ANO4: variants seen among roughly 807,000 people sequenced by gnomAD.
The protein encoded by ANO4 is anoctamin-4.
ANO4 carries 69 observed loss-of-function variants against 141.9 expected under a neutral mutation model. The ratio of observed to expected loss-of-function variants is 0.49; its 90% CI spans 0.40 to 0.59. The LOEUF is 0.59. Among genes scored for constraint, ANO4 ranks in the 20% least tolerant of loss-of-function variants. The pLI is 0.00. For synonymous variants in ANO4, 350 were observed against 394.3 expected, an observed-to-expected ratio of 0.89 and a Z score of 1.33; for missense variants, 894 against 1,162.2, an observed-to-expected ratio of 0.77 and a Z score of 3.36.
intron 1 of ANO4, among the ~76,000 whole-genome samples, chr12:100,852,910 G>T (rs2037956795): frequency 6.6e-6 from 1 of 152,166 alleles, no homozygotes; most frequent in African/African-American, 2.4e-5. Flanking sequence ...AACACTCAAA[G>T]TTAGCAAGAA....
chr12:100,852,166 A>T (rs1593520267), intron 1 of ANO4, among the ~76,000 whole-genome samples: 1 of 152,318 alleles, frequency 6.6e-6, no homozygotes. Context: ...AGGCACAGGG[A>T]TCCTATGTAT....
At chr12:100,848,483 G>A (rs2037697832) in intron 1 of ANO4, among the ~76,000 whole-genome samples, 1 of 152,164 alleles carries the variant, frequency 6.6e-6, no homozygotes, top group East Asian at 1.9e-4. Flanking sequence ...TAAGTTTAGG[G>A]TGGGACTGAA....
At position 100,740,104 on chromosome 12, in the gene ANO4, A is replaced by C. The variant is rs772163564; in HGVS notation, c.357A>C (p.Thr119=). Residue 119 remains threonine (T), a splice_region_variant and synonymous_variant, in exon 3 of 30, where the codon ACA becomes ACC. Coordinates refer to the ANO4 transcript ENST00000644049. ...AGGAAACCCTGAGTCAAGACACAAC[A>C]GGTAAGTGTTGGCTTCCTGTTGGAG... The C allele has an allele frequency of 1.4e-5, 10 of 702,082 alleles. No individual in the cohort carries two copies. The South Asian group carries it at 1.5e-4, about 10-fold the overall frequency. The allele number at this position is 702,082 out of a possible 1,614,324, so 43.5% of individuals were successfully genotyped here. A position where few individuals can be genotyped will look rare whatever the true frequency, so the allele number is the denominator to read the frequency against.
chr12:101,068,281 G>C (rs2048674767), intron 14 of ANO4: 1 of 1,440,532 alleles, frequency 6.9e-7, no homozygotes, highest in African/African-American at 1.4e-5. Flanking sequence ...TCCTGCCTCT[G>C]CTGCAGATTC....
chr12:101,021,268 A>G lies in ANO4; in HGVS notation c.841+1128A>G, dbSNP rs936071013. ...CAGCACTACTCTGTGAAGCCCCCCA[A>G]GGGGATACTGAAAATCTGCCTTTGA... is the stretch of plus-strand genomic sequence containing the variant. On this transcript the variant is annotated intron_variant, in intron 9 of 27. Coordinates refer to ENST00000392977, the MANE Select transcript of ANO4 (RefSeq NM_001286615.2). Among the ~76,000 whole-genome samples, 22 of 152,286 alleles carry G rather than the reference A, an allele frequency of 1.4e-4. No individual in the cohort carries two copies. In the South Asian group the frequency reaches 4.2e-3, roughly 29 times the overall value.
intron 22 of ANO4, among the ~76,000 whole-genome samples, chr12:101,104,766 A>G (rs1485742369): frequency 6.7e-6 from 1 of 150,304 alleles, no homozygotes; most frequent in Non-Finnish European, 1.5e-5. Flanking sequence ...AATGGTCTAC[A>G]TTTTTATGTC....
intron 7 of ANO4, among the ~76,000 whole-genome samples, chr12:100,979,271 A>G (rs1235184588): frequency 6.6e-6 from 1 of 152,160 alleles, no homozygotes; most frequent in African/African-American, 2.4e-5. Flanking sequence ...AGCAGTCTCC[A>G]TGGAGTGATG....
At chr12:100,804,403 A>G (rs904290905) in intron 1 of ANO4, among the ~76,000 whole-genome samples, 2 of 152,240 alleles carry the variant, frequency 1.3e-5, no homozygotes, top group African/African-American at 4.8e-5. Context: ...ACAGTGCTGC[A>G]GTGAACAAAT....
chr12:100,757,982 A>T (rs975011635), intron 3 of ANO4, among the ~76,000 whole-genome samples: 42 of 152,186 alleles, frequency 2.8e-4, no homozygotes, highest in Non-Finnish European at 5.3e-4. Flanking sequence ...AAAGAAATAA[A>T]ATTCAACACT....
At chr12:100,950,273 C>T (rs2042916225) in intron 5 of ANO4, among the ~76,000 whole-genome samples, 1 of 152,166 alleles carries the variant, frequency 6.6e-6, no homozygotes, top group African/African-American at 2.4e-5. Context: ...ACCCAATAAT[C>T]TCCACTTTAC....
intron 5 of ANO4, among the ~76,000 whole-genome samples, chr12:100,968,660 A>AT: frequency 6.6e-6 from 1 of 152,268 alleles, no homozygotes; most frequent in East Asian, 1.9e-4. Flanking sequence ...AAAAAGAACT[A>AT]TTTTTAGGAA....
chr12:100,872,897 G>C (rs2039102616), intron 1 of ANO4, among the ~76,000 whole-genome samples: 1 of 152,124 alleles, frequency 6.6e-6, no homozygotes, highest in African/African-American at 2.4e-5. Context: ...TTGGAGGAGG[G>C]GCCTAGTGGG....
chr12:101,110,992 G>C (rs1373694469), intron 23 of ANO4, among the ~76,000 whole-genome samples: 2 of 152,232 alleles, frequency 1.3e-5, no homozygotes, highest in East Asian at 3.8e-4. Flanking sequence ...AGTTGAATCA[G>C]ATGCAGCTCG....
chr12:100,999,456 A>G (rs580996), intron 8 of ANO4, among the ~76,000 whole-genome samples: 120,157 of 152,136 alleles, frequency 0.79, 48,067 homozygotes, highest in African/African-American at 0.92. Context: ...GTACCTATCT[A>G]AATAATCCAG....
intron 14 of ANO4, among the ~76,000 whole-genome samples, chr12:101,052,678 G>A (rs560383007): frequency 5.6e-4 from 86 of 152,256 alleles, no homozygotes; most frequent in African/African-American, 2.0e-3. Flanking sequence ...GCAAGAATCA[G>A]CCTTTTGTTT....
intron 1 of ANO4, among the ~76,000 whole-genome samples, chr12:100,813,867 G>A (rs1417579287): frequency 2.6e-5 from 4 of 152,068 alleles, no homozygotes; most frequent in African/African-American, 9.7e-5. Context: ...CACTGAGTTG[G>A]GGCAGATCTT....
chr12:100,763,048 C>G (rs2032942061), intron 3 of ANO4, among the ~76,000 whole-genome samples: 2 of 152,140 alleles, frequency 1.3e-5, no homozygotes, highest in Non-Finnish European at 2.9e-5. Flanking sequence ...GACATGGAAC[C>G]TAGTAAATGG....
intron 3 of ANO4, among the ~76,000 whole-genome samples, chr12:100,929,746 C>T (rs1245647149): frequency 1.3e-5 from 2 of 152,098 alleles, no homozygotes; most frequent in Non-Finnish European, 2.9e-5. Context: ...TATGAGGGTT[C>T]CCTCTTCTCC....
At chr12:101,049,147 A>C (rs1259962610) in intron 14 of ANO4, among the ~76,000 whole-genome samples, 1 of 152,208 alleles carries the variant, frequency 6.6e-6, no homozygotes, top group Non-Finnish European at 1.5e-5. Context: ...GGAGAGACAA[A>C]CTTTATGCTA....
Sources: allele counts gnomAD v4.1 joint callset (sites outside exome capture counted in the v4.1 genomes callset), GRCh38; gene constraint gnomAD v4.1.1; transcripts MANE v1.5; gene names NCBI Gene and HGNC (gene_info 2026-07-23, HGNC 2026-07-21).